The following ARHGEF10L variants were observed in gnomAD, a reference collection of about 807,000 sequenced individuals.
ARHGEF10L encodes the protein rho guanine nucleotide exchange factor 10-like protein.
Under a neutral mutation model 141.2 loss-of-function variants are expected in ARHGEF10L, and 69 were observed. The observed-to-expected ratio is 0.49, with a 90% CI of 0.40 to 0.60. ARHGEF10L has a LOEUF of 0.60. Among genes scored for constraint, ARHGEF10L ranks in the 20% least tolerant of loss-of-function variants. ARHGEF10L has a pLI of 0.00. For synonymous variants in ARHGEF10L, 711 were observed against 718.5 expected (o/e 0.99, Z 0.17); for missense variants, 1,482 against 1,734.3 (o/e 0.85, Z 2.58).
chr1:17,675,305 G>A (rs2063578178), intron 26 of ARHGEF10L, among the ~76,000 whole-genome samples: 1 of 152,226 alleles, frequency 6.6e-6, no homozygotes, highest in South Asian at 2.1e-4. Flanking sequence ...ATCCCACCCT[G>A]TGGCCTCCCC....
rs200881521 is a variant in ARHGEF10L, at chr1:17,544,291, T to TATATGA, written c.-44+4342_-44+4343insTATGAA. 2.3e-3 allele frequency among the ~76,000 whole-genome samples: 343 copies of TATATGA among 150,938 alleles called. 3 individuals are homozygous for TATATGA. The highest frequency in any genetic ancestry group is 7.5e-3 in the African/African-American group (308 of 41,198). Reference sequence around the variant, plus strand: ...ATATATATGTGTGTATATATATATATAATAATTTTTTTTTTGAGATGGAGT... The same window carrying TATATGA: ...ATATATATGTGTGTATATATATATATATATGAAATAATTTTTTTTTTGAGATGGAGT... On this transcript the variant is annotated intron_variant, in intron 1 of 28. Coordinates refer to ENST00000361221, the MANE Select transcript of ARHGEF10L (RefSeq NM_018125.4).
chr1:17,586,361 T>C (rs2079024409), intron 2 of ARHGEF10L, among the ~76,000 whole-genome samples: 1 of 152,186 alleles, frequency 6.6e-6, no homozygotes, highest in Non-Finnish European at 1.5e-5. Context: ...CTAAGCTGTG[T>C]GTCATGTGCC....
At chr1:17,552,278 C>T (rs1018084030) in intron 1 of ARHGEF10L, among the ~76,000 whole-genome samples, 6 of 152,196 alleles carry the variant, frequency 3.9e-5, no homozygotes, top group African/African-American at 1.4e-4. Context: ...CACCTCTCTG[C>T]AGTCTTGGTT....
chr1:17,659,082 G>T (rs376899692), intron 25 of ARHGEF10L, among the ~76,000 whole-genome samples: 2 of 152,242 alleles, frequency 1.3e-5, no homozygotes, highest in Non-Finnish European at 2.9e-5. Context: ...ACTTGTCTCA[G>T]TGTGTCAGGG....
Position 17,634,871 on chromosome 1 carries a change from G to A in ARHGEF10L, c.1782G>A (p.Gly594=). 1.2e-6 allele frequency: 2 copies of A among 1,614,044 alleles called. No homozygotes were observed. The highest frequency in any genetic ancestry group is 1.7e-6 in the Non-Finnish European group (2 of 1,179,954). The part of the protein sequence containing the change: ...QLEISSLVPL[G]PKYVVKWNTA... ...AGATCAGCAGCCTGGTGCCCCTGGG[G>A]CCCAAGTATGTGGTGAAGTGGAACA... Residue 594 remains glycine, a synonymous_variant, in exon 18 of 29, where the codon GGG becomes GGA. Coordinates refer to ENST00000361221, the MANE Select transcript of ARHGEF10L (RefSeq NM_018125.4).
In ARHGEF10L at chr1:17,653,944, C is replaced by T. The variant is rs553375191; in HGVS notation, c.2395-692C>T. Among the ~76,000 whole-genome samples, 9 of 152,336 alleles carry T rather than the reference C, an allele frequency of 5.9e-5. 1 individual carries two copies. In the South Asian group the frequency reaches 1.9e-3, roughly 32 times the overall value. ...CAGGGACGGCTGGGGCCTTTAGCAC[C>T]AGCAGAGGGCAGCAGCTGCCTGGAA... On this transcript the variant is annotated intron_variant, in intron 22 of 28. Coordinates refer to ENST00000361221, the MANE Select transcript of ARHGEF10L (RefSeq NM_018125.4).
intron 7 of ARHGEF10L, among the ~76,000 whole-genome samples, 186 bp downstream of exon 7, chr1:17,608,163 C>T (rs954086836): frequency 1.3e-5 from 2 of 152,178 alleles, no homozygotes; most frequent in Admixed American, 6.5e-5. Flanking sequence ...GGAGGTGACT[C>T]GTAGACATTG....
intron 1 of ARHGEF10L, among the ~76,000 whole-genome samples, chr1:17,556,914 C>A (rs1003544180): frequency 6.6e-5 from 10 of 151,928 alleles, no homozygotes; most frequent in Non-Finnish European, 1.5e-4. Flanking sequence ...CCCAGCTAAT[C>A]AGGAGGCTAA....
At chr1:17,611,937 A>G (rs1570903238) in intron 7 of ARHGEF10L, among the ~76,000 whole-genome samples, 1 of 151,842 alleles carries the variant, frequency 6.6e-6, no homozygotes, top group South Asian at 2.1e-4. Context: ...TTGAATATCT[A>G]TCTGTTCTTC....
At chr1:17,695,409 C>T in intron 28 of ARHGEF10L, 129 bp downstream of exon 28, 2 of 1,312,034 alleles carry the variant, frequency 1.5e-6, no homozygotes, top group Non-Finnish European at 2.0e-6. Flanking sequence ...AGCTTCCTCT[C>T]ATCTCAGGTG....
intron 4 of ARHGEF10L, among the ~76,000 whole-genome samples, chr1:17,598,165 G>A (rs552867929): frequency 2.7e-5 from 4 of 150,936 alleles, no homozygotes; most frequent in Admixed American, 2.0e-4. Context: ...GCAGTGGCAC[G>A]ATCTCAGCTC....
intron 25 of ARHGEF10L, 127 bp from the exon 26 acceptor site, chr1:17,664,320 A>G (rs1557973673): frequency 9.2e-7 from 1 of 1,088,896 alleles, no homozygotes; most frequent in Non-Finnish European, 1.3e-6. Flanking sequence ...TGATGGAGAG[A>G]GAAAGGCCCT....
intron 1 of ARHGEF10L, among the ~76,000 whole-genome samples, chr1:17,574,958 C>T (rs2078162167): frequency 2.0e-5 from 3 of 152,202 alleles, no homozygotes; most frequent in Non-Finnish European, 4.4e-5. Flanking sequence ...ATCTGTTCTC[C>T]CCTCCTCTGG....
chr1:17,677,906 G>A (rs955434533), intron 26 of ARHGEF10L, among the ~76,000 whole-genome samples: 30 of 152,064 alleles, frequency 2.0e-4, no homozygotes, highest in African/African-American at 7.0e-4. Context: ...CAGGCTGGGC[G>A]CCATCACTGC....
the ARHGEF10L span, among the ~76,000 whole-genome samples, chr1:17,534,567 C>T: frequency 2.0e-5 from 3 of 151,020 alleles, no homozygotes; most frequent in Admixed American, 2.0e-4. Flanking sequence ...GGCCAGCCAC[C>T]ATGCCTGGCC....
At position 17,654,106 on chromosome 1, in the gene ARHGEF10L, G is replaced by T. The variant is rs1355499846; in HGVS notation, c.2395-530G>T. On this transcript the variant is annotated intron_variant, in intron 22 of 28. Coordinates refer to ENST00000361221, the MANE Select transcript of ARHGEF10L (RefSeq NM_018125.4). The surrounding 1 kb of genome is among the most constrained non-coding windows in gnomAD (Gnocchi z 4.3). Reference sequence around the variant, plus strand: ...CTGGCCAGAGAGAGGGACTGACCAGGTCTAGCTCAGGAGACAGGCCTCAGA... The same window carrying T: ...CTGGCCAGAGAGAGGGACTGACCAGTTCTAGCTCAGGAGACAGGCCTCAGA... Among the ~76,000 whole-genome samples the T allele has an allele frequency of 6.6e-6, 1 of 152,204 alleles. No individual in the cohort carries two copies. The highest frequency in any genetic ancestry group is 1.5e-5 in the Non-Finnish European group (1 of 68,040).
intron 1 of ARHGEF10L, among the ~76,000 whole-genome samples, chr1:17,563,161 G>T (rs978968362): frequency 5.3e-5 from 8 of 152,116 alleles, no homozygotes; most frequent in South Asian, 2.1e-4. Context: ...GGCTTAGAGT[G>T]GGGGGCATTT....
At chr1:17,634,341 A>C in intron 16 of ARHGEF10L, 1 of 743,134 alleles carries the variant, frequency 1.3e-6, no homozygotes, top group East Asian at 2.5e-5. Flanking sequence ...TAAGCTTCCT[A>C]GCGGGGCTGT....
intron 1 of ARHGEF10L, among the ~76,000 whole-genome samples, chr1:17,579,354 C>T (rs2078374716): frequency 1.3e-5 from 2 of 152,108 alleles, no homozygotes; most frequent in South Asian, 2.1e-4. Context: ...CCTGTTGTAT[C>T]GTTTGAGTCT....
Sources: gnomAD v4.1 joint callset for allele counts (sites outside exome capture counted in the v4.1 genomes callset) on GRCh38, gnomAD v4.1.1 for gene constraint, Gnocchi (gnomAD v3.1) non-coding constraint, MANE v1.5 for transcripts, NCBI Gene and HGNC (gene_info 2026-07-23, HGNC 2026-07-21) for gene names.